The following DLGAP2 variants were observed in gnomAD, a reference collection of about 807,000 sequenced individuals.
The protein encoded by DLGAP2 is disks large-associated protein 2.
In DLGAP2, 26 loss-of-function variants were observed where a neutral mutation model predicts 100.3. That is an observed-to-expected ratio of 0.26 (90% CI 0.19 to 0.36). The LOEUF (loss-of-function observed/expected upper bound fraction) is 0.36. Ranked by LOEUF, DLGAP2 falls within the 10% of genes least tolerant of loss-of-function variation. DLGAP2 has a pLI of 1.00. For synonymous variants in DLGAP2, 886 were observed against 630.1 expected (o/e 1.41, Z -6.08); for missense variants, 1,858 against 1,453.2 (o/e 1.28, Z -4.53).
intron 11 of DLGAP2, among the ~76,000 whole-genome samples, chr8:1,677,415 G>C (rs1011683465): frequency 2.0e-5 from 3 of 152,280 alleles, no homozygotes; most frequent in Non-Finnish European, 4.4e-5. Flanking sequence ...AAGGGAACAC[G>C]TGGCAACGTC....
At position 1,425,306 on chromosome 8, in the gene DLGAP2, C is replaced by A. The variant is rs184198921; in HGVS notation, c.107-76060C>A. Among the ~76,000 whole-genome samples, 195 of 152,242 alleles carry A rather than the reference C, an allele frequency of 1.3e-3. 2 individuals carry two copies. The highest frequency in any genetic ancestry group is 4.5e-3 in the African/African-American group (188 of 41,540). Reference sequence around the variant, plus strand: ...CCATGCCCATGGTAAATGGGGGGTTCATAAAAGCATGTGCTTGATCTGTCA... The same window carrying A: ...CCATGCCCATGGTAAATGGGGGGTTAATAAAAGCATGTGCTTGATCTGTCA... On this transcript the variant is annotated intron_variant, in intron 3 of 14. Transcript: ENST00000637795.
At chr8:1,158,592 T>G (rs1024280191) in intron 2 of DLGAP2, among the ~76,000 whole-genome samples, 2 of 152,242 alleles carry the variant, frequency 1.3e-5, no homozygotes, top group African/African-American at 4.8e-5. Flanking sequence ...GGACGATACC[T>G]GTGAAATGAA....
chr8:1,256,035 G>T (rs1165267748), intron 2 of DLGAP2, among the ~76,000 whole-genome samples: 1 of 128,962 alleles, frequency 7.8e-6, no homozygotes, highest in Non-Finnish European at 1.6e-5. Flanking sequence ...TCCTGCCCGG[G>T]TGCTGTGTGT....
intron 3 of DLGAP2, among the ~76,000 whole-genome samples, chr8:1,454,421 G>A (rs1037572150): frequency 6.6e-6 from 1 of 151,886 alleles, no homozygotes; most frequent in East Asian, 1.9e-4. Flanking sequence ...GGGCAAGGGT[G>A]TTCCTGCTGG....
intron 3 of DLGAP2, among the ~76,000 whole-genome samples, chr8:1,445,843 A>G (rs146674009): frequency 6.6e-6 from 1 of 152,224 alleles, no homozygotes; most frequent in Non-Finnish European, 1.5e-5. Context: ...ATGGCCAGTG[A>G]TGATGAGCAT....
chr8:1,410,827 G>C (rs1439638485), intron 3 of DLGAP2, among the ~76,000 whole-genome samples: 5 of 144,380 alleles, frequency 3.5e-5, no homozygotes, highest in African/African-American at 1.3e-4. Context: ...CTTCACTCTG[G>C]AGCCATTTTT....
intron 2 of DLGAP2, among the ~76,000 whole-genome samples, chr8:1,186,235 G>C (rs115515080): frequency 6.6e-6 from 1 of 152,260 alleles, no homozygotes; most frequent in African/African-American, 2.4e-5. Flanking sequence ...AGGTGCCCTA[G>C]CAGCAGCTAT....
At chr8:1,523,753 G>A (rs879921793) in intron 4 of DLGAP2, among the ~76,000 whole-genome samples, 9 of 152,312 alleles carry the variant, frequency 5.9e-5, no homozygotes, top group Middle Eastern at 3.4e-3. Flanking sequence ...GTGCTCCTTC[G>A]TTACATCCCT....
At chr8:1,182,180 T>C (rs528618742) in intron 2 of DLGAP2, among the ~76,000 whole-genome samples, 1 of 152,354 alleles carries the variant, frequency 6.6e-6, no homozygotes, top group South Asian at 2.1e-4. Flanking sequence ...GCACGGGGCA[T>C]CTCAGTCACG....
chr8:1,492,861 A>G (rs1464755057), intron 3 of DLGAP2, among the ~76,000 whole-genome samples: 1 of 152,128 alleles, frequency 6.6e-6, no homozygotes, highest in African/African-American at 2.4e-5. Context: ...GGAGAAAAAC[A>G]GGAAGAACTG....
chr8:885,451 G>A (rs902043497), intron 1 of DLGAP2, among the ~76,000 whole-genome samples: 1 of 152,214 alleles, frequency 6.6e-6, no homozygotes, highest in Admixed American at 6.5e-5. Context: ...AGGAAGGCTT[G>A]TGATTTTTGC....
At chr8:1,496,201 T>A (rs923285617) in intron 3 of DLGAP2, among the ~76,000 whole-genome samples, 1 of 152,070 alleles carries the variant, frequency 6.6e-6, no homozygotes, top group African/African-American at 2.4e-5. Context: ...ATTGGCAGAG[T>A]GTTCTGCCTC....
At chr8:946,515 G>A (rs542231167) in intron 2 of DLGAP2, among the ~76,000 whole-genome samples, 35 of 152,060 alleles carry the variant, frequency 2.3e-4, no homozygotes, top group East Asian at 5.8e-4. Flanking sequence ...TGCCCGCCTT[G>A]GCCTCCCAAA....
chr8:1,630,478 G>C (rs1435130711), intron 7 of DLGAP2, among the ~76,000 whole-genome samples: 1 of 152,144 alleles, frequency 6.6e-6, no homozygotes. Context: ...CGAGGTGGGT[G>C]GATCACGAGG....
intron 2 of DLGAP2, among the ~76,000 whole-genome samples, chr8:980,616 C>T (rs1314494757): frequency 2.0e-5 from 3 of 152,156 alleles, no homozygotes; most frequent in Non-Finnish European, 1.5e-5. Flanking sequence ...ACTCTGTTGA[C>T]ACAGAGGTGA....
chr8:1,224,585 C>G (rs1444782840), intron 2 of DLGAP2, among the ~76,000 whole-genome samples: 1 of 151,896 alleles, frequency 6.6e-6, no homozygotes, highest in East Asian at 1.9e-4. Context: ...TTGAAAAACT[C>G]AACAAAATTG....
At chr8:1,577,804 G>A (rs746326352) in intron 6 of DLGAP2, among the ~76,000 whole-genome samples, 2 of 152,094 alleles carry the variant, frequency 1.3e-5, no homozygotes, top group Non-Finnish European at 2.9e-5. Flanking sequence ...GCATGCTGGG[G>A]AACGGGCAGC....
intron 1 of DLGAP2, among the ~76,000 whole-genome samples, chr8:858,324 T>C (rs2128989204): frequency 6.6e-6 from 1 of 152,350 alleles, no homozygotes; most frequent in Non-Finnish European, 1.5e-5. Context: ...AAGAAGCCTG[T>C]CGCAAAAGGC....
At chr8:1,225,752 C>T (rs1485349260) in intron 2 of DLGAP2, among the ~76,000 whole-genome samples, 1 of 152,174 alleles carries the variant, frequency 6.6e-6, no homozygotes, top group African/African-American at 2.4e-5. Flanking sequence ...CTCAGTTAGA[C>T]TGAAGGACTA....
Sources: allele counts gnomAD v4.1 joint callset (sites outside exome capture counted in the v4.1 genomes callset), GRCh38; gene constraint gnomAD v4.1.1; transcripts MANE v1.5; gene names NCBI Gene and HGNC (gene_info 2026-07-23, HGNC 2026-07-21).